MTUS2: variants seen among roughly 807,000 people sequenced by gnomAD.
MTUS2 encodes the protein microtubule associated scaffold protein 2.
Under a neutral mutation model 114.1 loss-of-function variants are expected in MTUS2, and 40 were observed. That is an observed-to-expected ratio of 0.35 (90% CI 0.27 to 0.46). The LOEUF is 0.46. Ranked by LOEUF, MTUS2 falls within the 20% of genes least tolerant of loss-of-function variation. The probability of loss-of-function intolerance (pLI) is 1.00; values close to 1 mark genes in which losing one functional copy is unlikely to be tolerated. For missense variants in MTUS2, 1,679 were observed against 1,705.4 expected (o/e 0.98, Z 0.27); for synonymous variants, 688 against 672.0 (o/e 1.02, Z -0.37).
In MTUS2 at chr13:29,025,756, A is replaced by G; in HGVS notation, c.1058A>G (p.His353Arg). Residue 353 changes from histidine to arginine, a missense_variant, in exon 3 of 16, where the codon CAC (histidine) becomes CGC (arginine). Coordinates refer to ENST00000612955, the MANE Select transcript of MTUS2 (RefSeq NM_001033602.4). ...LEGRDPCGEA[H>R]PEATDALGHL... Reference sequence around the variant, plus strand: ...GGAAGGGATCCATGTGGGGAAGCACACCCGGAAGCCACCGATGCACTTGGC... The same window carrying G: ...GGAAGGGATCCATGTGGGGAAGCACGCCCGGAAGCCACCGATGCACTTGGC... The G allele has an allele frequency of 6.2e-7, 1 of 1,613,974 alleles. No homozygotes were observed. The highest frequency in any genetic ancestry group is 1.1e-5 in the South Asian group (1 of 91,086).
Position 28,904,055 on chromosome 13 carries a change from C to A in MTUS2, c.-243+64205C>A, listed in dbSNP as rs139872905. 1.8e-3 allele frequency among the ~76,000 whole-genome samples: 273 copies of A among 152,258 alleles called. 2 individuals carry two copies. Among genetic ancestry groups the A allele is most frequent in the African/African-American group, 6.3e-3 (262 of 41,532 alleles). ...TCATGTCTTTTGGCTGCATAAATGT[C>A]TTCTTTTGAGAGGTGTCTGTTTATA... On this transcript the variant is annotated intron_variant, in intron 2 of 15. Transcript: ENST00000612955.
intron 5 of MTUS2, among the ~76,000 whole-genome samples, chr13:29,119,283 T>G (rs1891212405): frequency 6.6e-6 from 1 of 152,152 alleles, no homozygotes; most frequent in Non-Finnish European, 1.5e-5. Flanking sequence ...TTTAACAATC[T>G]AAATAGTGGT....
intron 2 of MTUS2, among the ~76,000 whole-genome samples, chr13:28,879,947 A>G (rs1878189040): frequency 6.6e-6 from 1 of 152,170 alleles, no homozygotes. Context: ...TTGTGCTAAT[A>G]ATATCTGAAG....
intron 9 of MTUS2, among the ~76,000 whole-genome samples, chr13:29,465,895 G>A (rs1042649929): frequency 6.6e-6 from 1 of 152,266 alleles, no homozygotes; most frequent in African/African-American, 2.4e-5. Flanking sequence ...CTGCTGGCAG[G>A]AAGCCAGGGC....
chr13:29,328,563 G>T (rs1215775993), intron 7 of MTUS2, among the ~76,000 whole-genome samples: 1 of 152,184 alleles, frequency 6.6e-6, no homozygotes, highest in Non-Finnish European at 1.5e-5. Context: ...TTAAGCTAAG[G>T]GGGTTGTGGA....
At chr13:29,073,145 G>A (rs1328843532) in intron 4 of MTUS2, among the ~76,000 whole-genome samples, 1 of 151,990 alleles carries the variant, frequency 6.6e-6, no homozygotes, top group Non-Finnish European at 1.5e-5. Flanking sequence ...GATACAACAC[G>A]ACCCAAACAG....
Position 29,165,665 on chromosome 13 carries a change from C to T in MTUS2, c.2644+64695C>T, listed in dbSNP as rs188372614. On this transcript the variant is annotated intron_variant, in intron 5 of 15. Transcript: ENST00000612955. ...GGGTTTTATGTTTTGATGCAGTAGA[C>T]GATGTTGTAGAGAAATCTTCTGTAT... Among the ~76,000 whole-genome samples the T allele has an allele frequency of 4.4e-4, 67 of 152,172 alleles. 1 individual carries two copies. Among genetic ancestry groups the T allele is most frequent in the Non-Finnish European group, 2.2e-4 (15 of 68,010 alleles).
intron 5 of MTUS2, among the ~76,000 whole-genome samples, chr13:29,106,762 T>G (rs1890687131): frequency 6.6e-6 from 1 of 152,116 alleles, no homozygotes; most frequent in African/African-American, 2.4e-5. Flanking sequence ...TCATCTCTGT[T>G]AAAACTGTGG....
At chr13:28,939,709 G>A (rs1882117076) in intron 2 of MTUS2, among the ~76,000 whole-genome samples, 2 of 151,890 alleles carry the variant, frequency 1.3e-5, no homozygotes, top group South Asian at 4.2e-4. Flanking sequence ...CAGTTCACCT[G>A]CTGAAAAAAC....
chr13:29,045,155 C>T (rs1287402160), intron 4 of MTUS2, among the ~76,000 whole-genome samples: 1 of 152,202 alleles, frequency 6.6e-6, no homozygotes, highest in Non-Finnish European at 1.5e-5. Context: ...ATAAGATAGT[C>T]ATGAGAATGG....
chr13:28,923,962 G>A (rs963299165), intron 2 of MTUS2, among the ~76,000 whole-genome samples: 2 of 152,120 alleles, frequency 1.3e-5, no homozygotes, highest in Non-Finnish European at 2.9e-5. Context: ...TCTCAGTGGA[G>A]GTTAATACTT....
chr13:29,275,340 A>G (rs558219627), intron 5 of MTUS2, among the ~76,000 whole-genome samples: 1 of 152,216 alleles, frequency 6.6e-6, no homozygotes, highest in Non-Finnish European at 1.5e-5. Context: ...TGGGGTATCC[A>G]TTATCTCAGA....
intron 5 of MTUS2, among the ~76,000 whole-genome samples, chr13:29,217,474 A>G (rs1436776334): frequency 1.3e-5 from 2 of 152,218 alleles, no homozygotes; most frequent in Non-Finnish European, 1.5e-5. Flanking sequence ...CTATAGCATT[A>G]TGTCTAAAAA....
intron 2 of MTUS2, among the ~76,000 whole-genome samples, chr13:28,865,451 A>C (rs975219355): frequency 6.6e-5 from 10 of 152,330 alleles, no homozygotes; most frequent in African/African-American, 2.4e-4. Flanking sequence ...AAAATACGAA[A>C]TCATCATATT....
chr13:29,101,020 G>C, intron 5 of MTUS2, 50 bp downstream of exon 5: 1 of 1,473,792 alleles, frequency 6.8e-7, no homozygotes, highest in East Asian at 2.5e-5. Context: ...TAAAACCGGC[G>C]CGCCTGTGTA....
intron 5 of MTUS2, among the ~76,000 whole-genome samples, chr13:29,273,507 G>A (rs1897952683): frequency 6.6e-6 from 1 of 152,122 alleles, no homozygotes; most frequent in African/African-American, 2.4e-5. Context: ...ACTTGTTCCA[G>A]CCAGGGGATC....
rs1345711353 is a variant in MTUS2 at position 29,198,549 on chromosome 13, TG to T, written c.2645-83152del. Among the ~76,000 whole-genome samples, 7 of 152,292 alleles carry T rather than the reference TG, an allele frequency of 4.6e-5. No individual in the cohort carries two copies. In the East Asian group the frequency reaches 1.2e-3, roughly 25 times the overall value. On this transcript the variant is annotated intron_variant, in intron 5 of 15. Coordinates refer to ENST00000612955, the MANE Select transcript of MTUS2 (RefSeq NM_001033602.4). ...TTTGCTTAGGATTGTCTTGGCTATC[TG>T]GGCTTTTTTTTAGTTCCATATGAAA...
chr13:29,229,412 G>A (rs1896237786), intron 5 of MTUS2, among the ~76,000 whole-genome samples: 1 of 152,096 alleles, frequency 6.6e-6, no homozygotes, highest in Admixed American at 6.5e-5. Flanking sequence ...CTTTTAATAT[G>A]TACGATACTA....
At chr13:28,844,975 A>G (rs1195711947) in intron 2 of MTUS2, among the ~76,000 whole-genome samples, 1 of 152,120 alleles carries the variant, frequency 6.6e-6, no homozygotes, top group African/African-American at 2.4e-5. Flanking sequence ...TATTTTTTAG[A>G]GACAGGATTT....
Sources: allele counts gnomAD v4.1 joint callset (sites outside exome capture counted in the v4.1 genomes callset), GRCh38; gene constraint gnomAD v4.1.1; transcripts MANE v1.5; gene names NCBI Gene and HGNC (gene_info 2026-07-23, HGNC 2026-07-21).